DNAJC13: variants seen among roughly 807,000 people sequenced by gnomAD.
DNAJC13 encodes dnaJ homolog subfamily C member 13.
Under a neutral mutation model 290.5 loss-of-function variants are expected in DNAJC13, and 75 were observed. The observed-to-expected ratio is 0.26, with a 90% confidence interval of 0.21 to 0.31. The LOEUF (loss-of-function observed/expected upper bound fraction) is 0.31. DNAJC13 is among the 10% of genes least tolerant of loss of function. The pLI is 1.00. For missense variants in DNAJC13, 2,260 were observed against 2,674.5 expected (o/e 0.85, Z 3.42); for synonymous variants, 862 against 892.0 (o/e 0.97, Z 0.60).
At chr3:132,470,701 G>C (rs1934191725) in intron 20 of DNAJC13, among the ~76,000 whole-genome samples, 1 of 122,146 alleles carries the variant, frequency 8.2e-6, no homozygotes, top group Non-Finnish European at 1.8e-5. Flanking sequence ...CGGGGCGGCT[G>C]GCCGGGCAGA....
intron 9 of DNAJC13, among the ~76,000 whole-genome samples, chr3:132,455,837 A>G (rs1425282352): frequency 2.6e-5 from 4 of 152,212 alleles, no homozygotes; most frequent in African/African-American, 9.7e-5. Context: ...TTCTTTTGCA[A>G]ATGGGCACAA....
chr3:132,453,534 T>C, intron 7 of DNAJC13, 30 bp downstream of exon 7: 1 of 1,610,090 alleles, frequency 6.2e-7, no homozygotes, highest in Non-Finnish European at 8.5e-7. Context: ...AATGAAAATT[T>C]GTTCACCTGA....
chr3:132,523,835 A>T, intron 51 of DNAJC13, 122 bp downstream of exon 51: 1 of 956,248 alleles, frequency 1.0e-6, no homozygotes, highest in Non-Finnish European at 1.5e-6. Context: ...TCAATATAGC[A>T]GCCACATTTA....
intron 12 of DNAJC13, 63 bp downstream of exon 12, chr3:132,456,895 A>G (rs1933616443): frequency 2.6e-6 from 4 of 1,544,142 alleles, no homozygotes; most frequent in Admixed American, 1.9e-5. Flanking sequence ...ATGGCAAATA[A>G]TGAACGATTC....
At chr3:132,466,239 G>T in intron 18 of DNAJC13, 60 bp from the exon 19 acceptor site, 5 of 1,527,974 alleles carry the variant, frequency 3.3e-6, no homozygotes, top group East Asian at 2.3e-5. Flanking sequence ...AATTTATTTG[G>T]GTTTTTAAGG....
intron 43 of DNAJC13, among the ~76,000 whole-genome samples, chr3:132,508,643 G>A (rs919894674): frequency 6.6e-6 from 1 of 152,134 alleles, no homozygotes; most frequent in African/African-American, 2.4e-5. Flanking sequence ...GGGAAGACGG[G>A]GGTGGTCAAG....
intron 43 of DNAJC13, 68 bp from the exon 44 acceptor site, chr3:132,510,999 C>A (rs923988685): frequency 9.1e-6 from 14 of 1,530,190 alleles, no homozygotes; most frequent in Middle Eastern, 1.7e-4. Context: ...GCTTAAAGTT[C>A]TTTCTTTTGC....
chr3:132,500,765 G>GT (rs751006613), intron 38 of DNAJC13, 29 bp from the exon 39 acceptor site: 23 of 1,611,498 alleles, frequency 1.4e-5, no homozygotes, highest in African/African-American at 8.0e-5. Context: ...GACTCTACTG[G>GT]TTTTTTTGCT....
chr3:132,471,799 C>G (rs1056839289), intron 20 of DNAJC13, among the ~76,000 whole-genome samples: 5 of 144,076 alleles, frequency 3.5e-5, no homozygotes, highest in African/African-American at 1.3e-4. Flanking sequence ...ACATCCCAGA[C>G]GATGGGCGGC....
chr3:132,440,312 A>G (rs1235007940), intron 2 of DNAJC13, among the ~76,000 whole-genome samples: 2 of 152,244 alleles, frequency 1.3e-5, no homozygotes, highest in Non-Finnish European at 2.9e-5. Context: ...TAATTTGTTC[A>G]GTTATTCTAC....
intron 48 of DNAJC13, among the ~76,000 whole-genome samples, chr3:132,518,328 C>G (rs1434374327): frequency 6.6e-6 from 1 of 152,148 alleles, no homozygotes; most frequent in East Asian, 1.9e-4. Context: ...ACCTTAATTG[C>G]AAGAGATTCT....
At chr3:132,434,898 A>G (rs1170361492) in intron 2 of DNAJC13, among the ~76,000 whole-genome samples, 1 of 152,246 alleles carries the variant, frequency 6.6e-6, no homozygotes, top group Admixed American at 6.5e-5. Flanking sequence ...CTATCAATTA[A>G]TGATGAGGTT....
intron 22 of DNAJC13, among the ~76,000 whole-genome samples, chr3:132,475,551 C>A (rs568357580): frequency 1.3e-5 from 2 of 151,968 alleles, no homozygotes; most frequent in African/African-American, 4.8e-5. Flanking sequence ...TAATTTTATA[C>A]GTGTGGGTGT....
chr3:132,536,509 A>G (rs1051858957), intron 55 of DNAJC13, among the ~76,000 whole-genome samples: 1 of 152,218 alleles, frequency 6.6e-6, no homozygotes, highest in Non-Finnish European at 1.5e-5. Flanking sequence ...TGCAGCATTC[A>G]TGGTTTGGTC....
intron 22 of DNAJC13, 101 bp downstream of exon 22, chr3:132,475,186 T>A: frequency 1.3e-6 from 1 of 792,104 alleles, no homozygotes; most frequent in Non-Finnish European, 1.8e-6. Flanking sequence ...ATATCTGGTC[T>A]TTACCTTTCC....
chr3:132,465,870 C>A, intron 17 of DNAJC13, 125 bp from the exon 18 acceptor site: 1 of 584,090 alleles, frequency 1.7e-6, no homozygotes, highest in South Asian at 3.0e-5. Context: ...CTATTTTTAA[C>A]ATCGGAATGA....
At position 132,497,987 on chromosome 3, in the gene DNAJC13, T is replaced by C. The variant is rs569635955; in HGVS notation, c.4157-1139T>C. On this transcript the variant is annotated intron_variant, in intron 36 of 55. Coordinates refer to ENST00000260818, the MANE Select transcript of DNAJC13 (RefSeq NM_015268.4). ...TCAAAAAGATTTATGCTGATTTCAA[T>C]TGGAATTATAGAGATACTTTTAAAG... 2.6e-5 allele frequency among the ~76,000 whole-genome samples: 4 copies of C among 152,292 alleles called. No homozygotes were observed. In the East Asian group the frequency reaches 7.7e-4, roughly 29 times the overall value.
intron 5 of DNAJC13, 142 bp downstream of exon 5, chr3:132,448,081 G>GT: frequency 1.8e-6 from 1 of 567,874 alleles, no homozygotes; most frequent in South Asian, 2.4e-5. Context: ...CTGATATCAT[G>GT]TTATGTAGTT....
intron 55 of DNAJC13, among the ~76,000 whole-genome samples, chr3:132,534,419 G>A (rs1457275587): frequency 6.6e-6 from 1 of 152,182 alleles, no homozygotes; most frequent in African/African-American, 2.4e-5. Flanking sequence ...AATTTTGGAG[G>A]CCAAGGTGGG....
Sources: allele counts gnomAD v4.1 joint callset (sites outside exome capture counted in the v4.1 genomes callset), GRCh38; gene constraint gnomAD v4.1.1; transcripts MANE v1.5; gene names NCBI Gene and HGNC (gene_info 2026-07-23, HGNC 2026-07-21).